Variants in PAPPA2 observed in about 807,000 individuals in gnomAD.
PAPPA2 encodes pappalysin-2.
In PAPPA2, 86 loss-of-function variants were observed where a neutral mutation model predicts 176.4. The ratio of observed to expected loss-of-function variants is 0.49; its 90% CI spans 0.41 to 0.58. PAPPA2 has a LOEUF of 0.58. Ranked by LOEUF, PAPPA2 falls within the 20% of genes least tolerant of loss-of-function variation. The pLI is 0.00. For missense variants in PAPPA2, 2,073 were observed against 2,256.9 expected (o/e 0.92, Z 1.65); for synonymous variants, 809 against 852.2 (o/e 0.95, Z 0.88).
intron 2 of PAPPA2, among the ~76,000 whole-genome samples, chr1:176,591,786 C>T (rs1322536064): frequency 1.3e-5 from 2 of 151,900 alleles, no homozygotes; most frequent in Non-Finnish European, 2.9e-5. Flanking sequence ...TGCATAGGCA[C>T]CTTGGACAAA....
intron 15 of PAPPA2, among the ~76,000 whole-genome samples, chr1:176,769,154 C>T (rs372937080): frequency 1.3e-5 from 2 of 152,180 alleles, no homozygotes; most frequent in South Asian, 4.1e-4. Flanking sequence ...CAATCTGCAG[C>T]GACCCTTGGG....
chr1:176,760,465 A>G (rs1663647877), intron 14 of PAPPA2, among the ~76,000 whole-genome samples: 1 of 152,178 alleles, frequency 6.6e-6, no homozygotes, highest in African/African-American at 2.4e-5. Context: ...CAACACTTTG[A>G]AACTTATAAA....
intron 3 of PAPPA2, among the ~76,000 whole-genome samples, chr1:176,639,850 C>G (rs968917057): frequency 4.6e-5 from 7 of 151,520 alleles, no homozygotes; most frequent in Non-Finnish European, 8.8e-5. Flanking sequence ...TGGTATTTTG[C>G]TATGTGCTTT....
At chr1:176,564,147 G>A (rs1002045270) in intron 2 of PAPPA2, among the ~76,000 whole-genome samples, 3 of 152,124 alleles carry the variant, frequency 2.0e-5, no homozygotes, top group Non-Finnish European at 4.4e-5. Flanking sequence ...TTACGCAAAT[G>A]CAGATTTGGG....
At position 176,843,858 on chromosome 1, in the gene PAPPA2, T is replaced by C. The variant is rs370294957; in HGVS notation, c.*1404T>C. 5 of 152,216 alleles carry C rather than the reference T, an allele frequency of 3.3e-5. No individual in the cohort carries two copies. The highest frequency in any genetic ancestry group is 1.2e-4 in the African/African-American group (5 of 41,554). The allele number at this position is 152,216 out of a possible 1,614,324, so 9.4% of individuals were successfully genotyped here. A position where few individuals can be genotyped will look rare whatever the true frequency, so the allele number is the denominator to read the frequency against. ...CTTCAAGTATCATGTACAAAATCTG[T>C]GAGCCAGAGATTTTGACTTGAGCAA... On this transcript the variant is annotated 3_prime_UTR_variant, in exon 23 of 23. Transcript: ENST00000367662.
In PAPPA2 at chr1:176,845,104, A is replaced by AAGAC. The variant is rs1167907130; in HGVS notation, c.*2652_*2655dup. 2 of 152,166 alleles carry AAGAC rather than the reference A, an allele frequency of 1.3e-5. No individual in the cohort carries two copies. The highest frequency in any genetic ancestry group is 4.8e-5 in the African/African-American group (2 of 41,442). The allele number at this position is 152,166 out of a possible 1,614,324, so 9.4% of individuals were successfully genotyped here. Reference sequence around the variant, plus strand: ...AGGTCACTGATAAAGTGGAAGGACTAAGACACTGTGGTCACAGATCCCAGC... The same window carrying AAGAC: ...AGGTCACTGATAAAGTGGAAGGACTAAGACAGACACTGTGGTCACAGATCCCAGC... On this transcript the variant is annotated 3_prime_UTR_variant, in exon 23 of 23. Transcript: ENST00000367662.
chr1:176,745,938 A>T (rs747195174), intron 14 of PAPPA2, among the ~76,000 whole-genome samples: 2 of 152,168 alleles, frequency 1.3e-5, no homozygotes, highest in Non-Finnish European at 2.9e-5. Flanking sequence ...ACTTTCTGGG[A>T]GTCTCCCCAC....
chr1:176,622,614 T>G (rs761158485), intron 3 of PAPPA2, among the ~76,000 whole-genome samples: 216 of 152,266 alleles, frequency 1.4e-3, no homozygotes, highest in Non-Finnish European at 1.9e-3. Flanking sequence ...AACTTAATAA[T>G]GGTAAGCCAT....
At chr1:176,612,411 CA>C (rs563346595) in intron 3 of PAPPA2, among the ~76,000 whole-genome samples, 2 of 150,800 alleles carry the variant, frequency 1.3e-5, no homozygotes, top group East Asian at 2.0e-4. Flanking sequence ...AACCAAAAAC[CA>C]AAAAACAACA....
In PAPPA2 at chr1:176,721,040, CCT is replaced by C. The variant is rs147681191; in HGVS notation, c.3798+9065_3798+9066del. 2.4e-4 allele frequency among the ~76,000 whole-genome samples: 36 copies of C among 152,298 alleles called. 1 individual carries two copies. The East Asian group carries it at 5.8e-3, about 25-fold the overall frequency. ...CTCATCCACACTGAGGGTGGATCTT[CCT>C]CTCTCAGTCTGCTGACTCACATGAC... On this transcript the variant is annotated intron_variant, in intron 12 of 22. Transcript: ENST00000367662.
At chr1:176,722,121 A>G (rs2102850619) in intron 12 of PAPPA2, among the ~76,000 whole-genome samples, 1 of 152,248 alleles carries the variant, frequency 6.6e-6, no homozygotes, top group Non-Finnish European at 1.5e-5. Context: ...TTCATCTTAC[A>G]GTCTATTTAA....
intron 1 of PAPPA2, among the ~76,000 whole-genome samples, chr1:176,524,331 G>C (rs564671993): frequency 5.3e-5 from 8 of 152,294 alleles, no homozygotes; most frequent in Non-Finnish European, 1.0e-4. Flanking sequence ...AAGAATGCTG[G>C]AATCTGGCTG....
At chr1:176,520,522 A>G (rs1649158007) in intron 1 of PAPPA2, among the ~76,000 whole-genome samples, 1 of 152,218 alleles carries the variant, frequency 6.6e-6, no homozygotes, top group Non-Finnish European at 1.5e-5. Context: ...TCTCTGTGTC[A>G]GTGTTGGATC....
At chr1:176,557,758 G>A (rs978838930) in intron 2 of PAPPA2, among the ~76,000 whole-genome samples, 2 of 152,126 alleles carry the variant, frequency 1.3e-5, no homozygotes, top group African/African-American at 2.4e-5. Flanking sequence ...CCTGGATCTT[G>A]GCAGAAAGGT....
In PAPPA2 at chr1:176,573,271, G is replaced by T. The variant is rs564980606; in HGVS notation, c.919+16030G>T. Among the ~76,000 whole-genome samples, 7 of 152,318 alleles carry T rather than the reference G, an allele frequency of 4.6e-5. No individual in the cohort carries two copies. The South Asian group carries it at 1.5e-3, about 32-fold the overall frequency. ...TCCTGTTGTGCTACTGGAATTCCAA[G>T]CACATGAATTCCTATTTTTGTTTAG... On this transcript the variant is annotated intron_variant, in intron 2 of 22. Transcript: ENST00000367662.
chr1:176,618,904 T>A (rs560937786), intron 3 of PAPPA2, among the ~76,000 whole-genome samples: 2 of 152,310 alleles, frequency 1.3e-5, no homozygotes, highest in South Asian at 2.1e-4. Flanking sequence ...TTATACTAGA[T>A]AAATCATTTG....
chr1:176,773,038 C>A (rs952561102), intron 17 of PAPPA2, among the ~76,000 whole-genome samples: 1 of 152,022 alleles, frequency 6.6e-6, no homozygotes, highest in Non-Finnish European at 1.5e-5. Flanking sequence ...TGGGAAAAAA[C>A]GAGGCCTCCA....
chr1:176,526,724 C>T (rs895419023), intron 1 of PAPPA2, among the ~76,000 whole-genome samples: 13 of 152,170 alleles, frequency 8.5e-5, no homozygotes, highest in African/African-American at 2.9e-4. Flanking sequence ...TCTGAGATCC[C>T]TAAGCCAGTG....
At chr1:176,516,082 G>A (rs1648891271) in intron 1 of PAPPA2, among the ~76,000 whole-genome samples, 1 of 152,064 alleles carries the variant, frequency 6.6e-6, no homozygotes, top group African/African-American at 2.4e-5. Flanking sequence ...CTCATCACAG[G>A]ACAACATGTT....
Sources: allele counts gnomAD v4.1 joint callset (sites outside exome capture counted in the v4.1 genomes callset), GRCh38; gene constraint gnomAD v4.1.1; transcripts MANE v1.5; gene names NCBI Gene and HGNC (gene_info 2026-07-23, HGNC 2026-07-21).